Variants in TBX10 observed in about 807,000 individuals in gnomAD.
TBX10 encodes the protein T-box transcription factor 10, also known as T-box transcription factor TBX10.
TBX10 carries 26 observed loss-of-function variants against 32.4 expected under a neutral mutation model. That is an observed-to-expected ratio of 0.80 (90% confidence interval 0.59 to 1.11). The LOEUF (loss-of-function observed/expected upper bound fraction) is 1.11. Among genes scored for constraint, TBX10 ranks in the 50% most tolerant of loss-of-function variants. The probability of loss-of-function intolerance (pLI) is 0.00; values close to 1 mark genes in which losing one functional copy is unlikely to be tolerated. For synonymous variants in TBX10, 195 were observed against 203.1 expected (o/e 0.96, Z 0.34); for missense variants, 490 against 494.5 (o/e 0.99, Z 0.09).
intron 1 of TBX10, among the ~76,000 whole-genome samples, chr11:67,636,583 T>C (rs1855332545): frequency 6.6e-6 from 1 of 152,058 alleles, no homozygotes; most frequent in Non-Finnish European, 1.5e-5. Flanking sequence ...CTGCAACCTC[T>C]GCCTCCCTGG....
chr11:67,639,850 G>A (rs188286232), upstream of TBX10, among the ~76,000 whole-genome samples: 3 of 152,132 alleles, frequency 2.0e-5, no homozygotes, highest in Non-Finnish European at 4.4e-5. Context: ...CCCTCTTCAA[G>A]TTCCTCCCTT....
intron 1 of TBX10, 140 bp downstream of exon 1, chr11:67,639,326 C>A (rs1046406544): frequency 5.0e-5 from 62 of 1,251,438 alleles, no homozygotes; most frequent in Non-Finnish European, 6.7e-5. Context: ...GGATCTCAGA[C>A]CTTAGCCTGG....
intron 3 of TBX10, among the ~76,000 whole-genome samples, chr11:67,634,589 C>T (rs1855294384): frequency 1.3e-5 from 2 of 152,200 alleles, no homozygotes; most frequent in Non-Finnish European, 2.9e-5. Flanking sequence ...CTAGACCTCT[C>T]TGCCTGCCCA....
At chr11:67,634,082 A>G (rs1855282602) in intron 4 of TBX10, 107 bp downstream of exon 4, 9 of 1,510,418 alleles carry the variant, frequency 6.0e-6, no homozygotes, top group Non-Finnish European at 8.1e-6. Context: ...CCCTGCCTTG[A>G]CCATCAGCAG....
intron 4 of TBX10, 61 bp downstream of exon 4, chr11:67,634,128 C>A (rs1342477513): frequency 8.7e-6 from 14 of 1,601,922 alleles, no homozygotes; most frequent in Non-Finnish European, 1.2e-5. Context: ...CCATTGGACA[C>A]CAAAGTCCCT....
At chr11:67,639,775 T>C (rs1855380200), upstream of TBX10, among the ~76,000 whole-genome samples, 1 of 152,194 alleles carries the variant, frequency 6.6e-6, no homozygotes, top group South Asian at 2.1e-4. Flanking sequence ...TCCAAGGCTG[T>C]GCGGGAGGAG....
chr11:67,637,974 G>A (rs1276161257), intron 1 of TBX10, among the ~76,000 whole-genome samples: 1 of 152,188 alleles, frequency 6.6e-6, no homozygotes, highest in African/African-American at 2.4e-5. Flanking sequence ...TTGGGAGGCC[G>A]AGGCGGGTAG....
In TBX10 at chr11:67,631,640, C is replaced by T. The variant is rs751559619; in HGVS notation, c.1123G>A (p.Val375Met). 1.9e-6 allele frequency: 3 copies of T among 1,604,094 alleles called. No homozygotes were observed. Among genetic ancestry groups the T allele is most frequent in the Admixed American group, 1.7e-5 (1 of 59,098 alleles). ...PAGLGLLSPTVVCLGPGQDSQ is the reference protein window; with the variant it reads ...PAGLGLLSPTMVCLGPGQDSQ The stretch of plus-strand genomic sequence containing the variant: ...TCCTGGCCAGGCCCCAGGCACACCA[C>T]AGTGGGGGACAGGAGCCCCAGCCCA... Residue 375 changes from valine to methionine, a missense_variant, in exon 8 of 8, where the codon GTG (valine) becomes ATG (methionine). Physicochemically the swap from Val to Met is conservative, Grantham distance 21. Transcript: ENST00000335385.
rs962521492 is a variant in TBX10, at chr11:67,631,675, G to T, written c.1088C>A (p.Pro363His). 8.7e-6 allele frequency: 14 copies of T among 1,607,380 alleles called. No homozygotes were observed. The highest frequency in any genetic ancestry group is 5.1e-5 in the Admixed American group (3 of 59,300). ...CAGGAGCCCCAGCCCAGCTGGGAGAGGCAGGCCTCCTTGATCCCTATCAGC... is the reference window on the plus strand; with the variant it reads ...CAGGAGCCCCAGCCCAGCTGGGAGATGCAGGCCTCCTTGATCCCTATCAGC... ...IRADRDQGGL[P>H]LPAGLGLLSP... The change falls in exon 8 of 8, where the codon CCT becomes CAT. Residue 363 changes from proline to histidine, a missense_variant. Transcript: ENST00000335385.
At position 67,634,911 on chromosome 11, in the gene TBX10, C is replaced by T; in HGVS notation, c.282G>A (p.Met94Ile). The change falls in exon 3 of 8, where the codon ATG becomes ATA. Residue 94 changes from methionine (M) to isoleucine (I), a missense_variant. By Grantham distance (10) the Met-to-Ile change is conservative (BLOSUM62 1). This residue lies in a region of TBX10 where 307 missense variants were observed against 294.9 expected (regional missense o/e 1.04). Coordinates refer to ENST00000335385, the MANE Select transcript of TBX10 (RefSeq NM_005995.5). ...EMIVTKAGRRMFPPFQVKILG... is the reference protein window; with the variant it reads ...EMIVTKAGRRIFPPFQVKILG... ...GGATCTTCACCTGGAAGGGGGGGAA[C>T]ATCCTCCTGCGGGAGGGAGGTGCTC... 4 of 1,613,336 alleles carry T rather than the reference C, an allele frequency of 2.5e-6. No individual in the cohort carries two copies. The South Asian group carries it at 4.4e-5, about 18-fold the overall frequency.
At chr11:67,632,029 C>T in intron 7 of TBX10, 135 bp from the exon 8 acceptor site, 1 of 1,314,908 alleles carries the variant, frequency 7.6e-7, no homozygotes, top group Non-Finnish European at 1.1e-6. Context: ...TTTCCCTCTG[C>T]CTGGAATTTC....
intron 5 of TBX10, 70 bp downstream of exon 5, chr11:67,632,878 A>G (rs1159455211): frequency 6.2e-7 from 1 of 1,611,612 alleles, no homozygotes; most frequent in Non-Finnish European, 8.5e-7. Flanking sequence ...GAGGGCTGCA[A>G]GCCTCAGGGC....
At position 67,639,724 on chromosome 11, in the gene TBX10, C is replaced by T. The variant is rs933812568; in HGVS notation, c.-252G>A. Among the ~76,000 whole-genome samples the T allele has an allele frequency of 2.6e-5, 4 of 152,224 alleles. No homozygotes were observed. The highest frequency in any genetic ancestry group is 6.5e-5 in the Admixed American group (1 of 15,292). ...CGAAGGTGAGATGCAGGCTCTGGGGCGTGCAGCGGCCCTTCTCCAAGCCAC... is the reference window on the plus strand; with the variant it reads ...CGAAGGTGAGATGCAGGCTCTGGGGTGTGCAGCGGCCCTTCTCCAAGCCAC... On this transcript the variant is annotated 5_prime_UTR_variant, in exon 1 of 8. Transcript: ENST00000335385.
chr11:67,635,842 C>T (rs1159810901), intron 1 of TBX10, among the ~76,000 whole-genome samples: 1 of 152,120 alleles, frequency 6.6e-6, no homozygotes, highest in East Asian at 1.9e-4. Context: ...TCCAGAAACC[C>T]ATCCTACCGT....
At chr11:67,640,621 G>T (rs1387257435), upstream of TBX10, among the ~76,000 whole-genome samples, 4 of 152,230 alleles carry the variant, frequency 2.6e-5, no homozygotes, top group Non-Finnish European at 5.9e-5. Context: ...CCCCTGAGAG[G>T]CTGCCAGTTC....
In TBX10 at chr11:67,631,911, G is replaced by A; in HGVS notation, c.869-17C>T. 1 of 1,559,940 alleles carries A rather than the reference G, an allele frequency of 6.4e-7. No individual in the cohort carries two copies. The highest frequency in any genetic ancestry group is 1.3e-5 in the African/African-American group (1 of 74,258). ...TGTTGGGGTCTGAGGGAGGAAATGAGTGGACTCTGGGCCTCCCATCGCATC... is the reference window on the plus strand; with the variant it reads ...TGTTGGGGTCTGAGGGAGGAAATGAATGGACTCTGGGCCTCCCATCGCATC... On this transcript the variant is annotated splice_polypyrimidine_tract_variant and intron_variant, in intron 7 of 7. Coordinates refer to ENST00000335385, the MANE Select transcript of TBX10 (RefSeq NM_005995.5).
chr11:67,634,670 G>T (rs1855296041), intron 3 of TBX10, 146 bp downstream of exon 3: 1 of 924,382 alleles, frequency 1.1e-6, no homozygotes, highest in Non-Finnish European at 1.7e-6. Flanking sequence ...TCAGGCTGTT[G>T]TTGCGTGTCT....
chr11:67,634,660 T>TCCTGGA (rs1855295402), intron 3 of TBX10, among the ~76,000 whole-genome samples, 156 bp downstream of exon 3: 3 of 152,178 alleles, frequency 2.0e-5, no homozygotes, highest in Non-Finnish European at 4.4e-5. Flanking sequence ...CCTCCTGCCC[T>TCCTGGA]CAGGCTGTTG....
chr11:67,637,982 T>A (rs1591126101), intron 1 of TBX10, among the ~76,000 whole-genome samples: 1 of 151,902 alleles, frequency 6.6e-6, no homozygotes, highest in African/African-American at 2.4e-5. Context: ...CCGAGGCGGG[T>A]AGGTCACTTG....
Sources: gnomAD v4.1 joint callset for allele counts (sites outside exome capture counted in the v4.1 genomes callset) on GRCh38, gnomAD v4.1.1 for gene constraint, gnomAD v4.1.1 regional missense constraint, MANE v1.5 for transcripts, NCBI Gene and HGNC (gene_info 2026-07-23, HGNC 2026-07-21) for gene names.